DYNAP: variants seen among roughly 807,000 people sequenced by gnomAD.
DYNAP encodes the protein dynactin-associated protein.
A neutral mutation model predicts 8.5 loss-of-function variants in DYNAP; 7 were observed. The ratio of observed to expected loss-of-function variants is 0.82; its 90% CI spans 0.47 to 1.54. The LOEUF is 1.54. Ranked by LOEUF, DYNAP falls within the 40% of genes most tolerant of loss-of-function variation. The pLI is 0.01. For missense variants in DYNAP, 256 were observed against 224.3 expected, an observed-to-expected ratio of 1.14 and a Z score of -0.90; for synonymous variants, 77 against 77.9, an observed-to-expected ratio of 0.99 and a Z score of 0.06.
chr18:54,591,133 ATTAGTAT>A, upstream of DYNAP: 1 of 1,409,020 alleles, frequency 7.1e-7, no homozygotes, highest in South Asian at 1.6e-5. Context: ...TTAGTGAATA[ATTAGTAT>A]TTAGTTTAAT....
At chr18:54,582,838 T>C (rs2144879092), upstream of DYNAP, among the ~76,000 whole-genome samples, 1 of 152,350 alleles carries the variant, frequency 6.6e-6, no homozygotes, top group South Asian at 2.1e-4. Flanking sequence ...CTACCCTAGC[T>C]TTCATTATTC....
Position 54,591,358 on chromosome 18 carries a change from T to C in DYNAP, c.57+19T>C, listed in dbSNP as rs562705168. The C allele has an allele frequency of 2.5e-6, 4 of 1,591,878 alleles. No individual in the cohort carries two copies. In the South Asian group the frequency reaches 4.6e-5, roughly 18 times the overall value. On this transcript the variant is annotated intron_variant, in intron 1 of 2. Transcript: ENST00000648945. ...CCAGCCGGTGAGTGTCCTTGCTCCA[T>C]TTTGATAGTTTGCCTATATTACAGT...
upstream of DYNAP, among the ~76,000 whole-genome samples, chr18:54,589,853 AAATC>A (rs1467290751): frequency 2.0e-5 from 3 of 152,296 alleles, no homozygotes; most frequent in South Asian, 6.2e-4. Flanking sequence ...ATGAATCAAA[AAATC>A]AATCAAAAAG....
chr18:54,594,832 C>T, intron 1 of DYNAP, 107 bp from the exon 2 acceptor site: 4 of 1,233,468 alleles, frequency 3.2e-6, no homozygotes, highest in South Asian at 1.7e-5. Context: ...ACATTTATTC[C>T]TTTTAAAAGT....
chr18:54,577,649 CAAAAGAAAAG>C, the DYNAP span, among the ~76,000 whole-genome samples: 3 of 145,414 alleles, frequency 2.1e-5, no homozygotes, highest in African/African-American at 7.6e-5. Flanking sequence ...CTTATTGTCT[CAAAAGAAAAG>C]AAAAGAAAAC....
upstream of DYNAP, among the ~76,000 whole-genome samples, chr18:54,589,069 A>G (rs1158048264): frequency 6.6e-6 from 1 of 152,222 alleles, no homozygotes; most frequent in African/African-American, 2.4e-5. Flanking sequence ...CAGTAGACCA[A>G]AGAAATAATA....
intron 2 of DYNAP, among the ~76,000 whole-genome samples, chr18:54,596,278 G>T (rs1192411672): frequency 2.0e-5 from 3 of 151,936 alleles, no homozygotes; most frequent in African/African-American, 7.3e-5. Context: ...TTGCCATGTA[G>T]CCCAGGTTGG....
upstream of DYNAP, chr18:54,591,139 A>G: frequency 6.9e-7 from 1 of 1,442,596 alleles, no homozygotes. Context: ...AATAATTAGT[A>G]TTTAGTTTAA....
the DYNAP span, among the ~76,000 whole-genome samples, chr18:54,577,003 G>A: frequency 3.3e-5 from 5 of 152,266 alleles, no homozygotes; most frequent in African/African-American, 9.6e-5. Flanking sequence ...CTAGCTTTAT[G>A]TAGAGTATCT....
At chr18:54,576,294 T>C in the DYNAP span, among the ~76,000 whole-genome samples, 3 of 152,188 alleles carry the variant, frequency 2.0e-5, no homozygotes, top group African/African-American at 7.2e-5. Context: ...GGTAGATGTA[T>C]ACAGAGCCTT....
chr18:54,580,697 A>G, the DYNAP span, among the ~76,000 whole-genome samples: 334 of 152,326 alleles, frequency 2.2e-3, 2 homozygotes, highest in African/African-American at 7.4e-3. Context: ...TGAATCTACA[A>G]TGCTATCACA....
chr18:54,579,050 C>T, the DYNAP span, among the ~76,000 whole-genome samples: 8 of 152,120 alleles, frequency 5.3e-5, no homozygotes, highest in East Asian at 1.9e-4. Context: ...CCGCCCGCCT[C>T]GGCCTCCCAA....
chr18:54,598,311 C>T lies in DYNAP; in HGVS notation c.*166C>T. 1.5e-6 allele frequency: 1 copy of T among 679,582 alleles called. No individual in the cohort carries two copies. Among genetic ancestry groups the T allele is most frequent in the Non-Finnish European group, 2.4e-6 (1 of 424,338 alleles). The allele number at this position is 679,582 out of a possible 1,614,324, so 42.1% of individuals were successfully genotyped here. A position where few individuals can be genotyped will look rare whatever the true frequency, so the allele number is the denominator to read the frequency against. Reference sequence around the variant, plus strand: ...ACTTCAACAAAATCAAGTCCTACTTCAACTTAAACTTACTTGACAACTCAA... The same window carrying T: ...ACTTCAACAAAATCAAGTCCTACTTTAACTTAAACTTACTTGACAACTCAA... On this transcript the variant is annotated 3_prime_UTR_variant, in exon 3 of 3. Coordinates refer to ENST00000648945, the MANE Select transcript of DYNAP (RefSeq NM_173629.3).
At chr18:54,588,821 A>G (rs1419672580), upstream of DYNAP, among the ~76,000 whole-genome samples, 2 of 152,138 alleles carry the variant, frequency 1.3e-5, no homozygotes, top group African/African-American at 4.8e-5. Flanking sequence ...TTCAGTTTTT[A>G]TTCTTACTTT....
chr18:54,584,966 A>G (rs60039530), upstream of DYNAP, among the ~76,000 whole-genome samples: 22,727 of 152,148 alleles, frequency 0.15, 1,758 homozygotes, highest in African/African-American at 0.16. Context: ...ACTTGGGGCA[A>G]TGGATGCTAT....
intron 1 of DYNAP, among the ~76,000 whole-genome samples, chr18:54,592,864 AT>A (rs1911135039): frequency 6.6e-6 from 1 of 152,102 alleles, no homozygotes; most frequent in Non-Finnish European, 1.5e-5. Flanking sequence ...AAGGGCTGGG[AT>A]TCTAACAGGG....
At position 54,591,339 on chromosome 18, in the gene DYNAP, G is replaced by A. The variant is rs779110228; in HGVS notation, c.57G>A (p.Pro19=). The A allele has an allele frequency of 7.5e-6, 12 of 1,603,020 alleles. No individual in the cohort carries two copies. Among genetic ancestry groups the A allele is most frequent in the East Asian group, 6.8e-5 (3 of 44,190 alleles). ...ACGTTGAGCACTCTGAAAACCAGCCGGTGAGTGTCCTTGCTCCATTTTGAT... is the reference window on the plus strand; with the variant it reads ...ACGTTGAGCACTCTGAAAACCAGCCAGTGAGTGTCCTTGCTCCATTTTGAT... ...ILNVEHSENQ[P]PITHPNDQEA... is the part of the protein sequence containing the mutation. Residue 19 remains proline, a splice_region_variant and synonymous_variant, in exon 1 of 3, where the codon CCG becomes CCA. Transcript: ENST00000648945.
upstream of DYNAP, among the ~76,000 whole-genome samples, chr18:54,590,591 A>C (rs1911031010): frequency 6.6e-6 from 1 of 152,188 alleles, no homozygotes; most frequent in African/African-American, 2.4e-5. Flanking sequence ...CACACTTTTG[A>C]AACAGTATTC....
upstream of DYNAP, among the ~76,000 whole-genome samples, chr18:54,583,789 G>C (rs890190842): frequency 6.6e-6 from 1 of 152,118 alleles, no homozygotes; most frequent in Non-Finnish European, 1.5e-5. Flanking sequence ...TTTTTCAGCA[G>C]TTTGGAAATC....
Sources: gnomAD v4.1 joint callset for allele counts (sites outside exome capture counted in the v4.1 genomes callset) on GRCh38, gnomAD v4.1.1 for gene constraint, MANE v1.5 for transcripts, NCBI Gene and HGNC (gene_info 2026-07-23, HGNC 2026-07-21) for gene names.